The following DCHS1 variants were observed in gnomAD, a reference collection of about 807,000 sequenced individuals.
The protein encoded by DCHS1 is protocadherin-16.
DCHS1 carries 78 observed loss-of-function variants against 213.9 expected under a neutral mutation model. The ratio of observed to expected loss-of-function variants is 0.36; its 90% CI spans 0.30 to 0.44. The LOEUF (loss-of-function observed/expected upper bound fraction) is 0.44, where lower values mean the gene tolerates loss of function less well. Ranked by LOEUF, DCHS1 falls within the 20% of genes least tolerant of loss-of-function variation. DCHS1 has a pLI of 1.00. For missense variants in DCHS1, 3,946 were observed against 4,395.9 expected, an observed-to-expected ratio of 0.90 and a Z score of 2.89; for synonymous variants, 1,828 against 1,873.7, an observed-to-expected ratio of 0.98 and a Z score of 0.63.
chr11:6,652,242 G>A (rs1021425930), intron 1 of DCHS1, among the ~76,000 whole-genome samples: 1 of 152,184 alleles, frequency 6.6e-6, no homozygotes, highest in Admixed American at 6.5e-5. Flanking sequence ...AAGGAGAAAA[G>A]AATGGTCAAT....
In DCHS1 at chr11:6,622,188, C is replaced by T. The variant is rs1162984419; in HGVS notation, c.9488G>A (p.Trp3163Ter). The change falls in exon 21 of 21, where the codon TGG becomes TAG. Residue 3163 changes from tryptophan to a stop codon, truncating the protein, a stop_gained. Coordinates refer to ENST00000299441, the MANE Select transcript of DCHS1 (RefSeq NM_003737.4). LOFTEE classifies it high-confidence loss of function. The surrounding 1 kb of genome is among the most constrained non-coding windows in gnomAD (Gnocchi z 5.4). The stretch of plus-strand genomic sequence containing the variant: ...AGGGCACCAGCTCAGCAGGTAGTCC[C>T]AGTTATAGCTGCCACGGAGCTCCTC... ...GEEELRGSYNWDYLLSWCPQF... is the reference protein window; with the variant it reads ...GEEELRGSYN 1 of 1,607,836 alleles carries T rather than the reference C, an allele frequency of 6.2e-7. No individual in the cohort carries two copies. Among genetic ancestry groups the T allele is most frequent in the Non-Finnish European group, 8.5e-7 (1 of 1,178,456 alleles).
Position 6,633,457 on chromosome 11 carries a change from C to A in DCHS1, c.2410G>T (p.Ala804Ser). 1 of 1,569,442 alleles carries A rather than the reference C, an allele frequency of 6.4e-7. No individual in the cohort carries two copies. The highest frequency in any genetic ancestry group is 8.6e-7 in the Non-Finnish European group (1 of 1,156,296). The stretch of plus-strand genomic sequence containing the variant: ...ACTATGCCCACACTGGTGCCTGGTG[C>A]CACATCCTCTGGCACAGAAAAAACA... ...QYVFSVPEDVAPGTSVGIVQA... is the reference protein window; with the variant it reads ...QYVFSVPEDVSPGTSVGIVQA... Residue 804 changes from alanine to serine, a missense_variant, in exon 5 of 21, where the codon GCA (alanine) becomes TCA (serine). By Grantham distance (99) the Ala-to-Ser change is moderately conservative. Coordinates refer to ENST00000299441, the MANE Select transcript of DCHS1 (RefSeq NM_003737.4).
In DCHS1 at chr11:6,640,915, G is replaced by A. The variant is rs143169401; in HGVS notation, c.699C>T (p.Pro233=). The stretch of plus-strand genomic sequence containing the variant: ...CCAGCAGGGCCTGGGCCCTCCGGGG[G>A]GGTGAACCACCATCATAGGCCTCCA... ...LQLEAYDGGS[P]PRRAQALLDV... The change falls in exon 2 of 21, where the codon CCC becomes CCT. Residue 233 remains proline, a synonymous_variant. Coordinates refer to ENST00000299441, the MANE Select transcript of DCHS1 (RefSeq NM_003737.4). The surrounding 1 kb of genome is among the most constrained non-coding windows in gnomAD (Gnocchi z 6.5). 2.7e-5 allele frequency: 43 copies of A among 1,614,036 alleles called. No homozygotes were observed. The African/African-American group carries it at 4.9e-4, about 19-fold the overall frequency.
rs1374019096 is a variant in DCHS1, at chr11:6,622,559, T to C, written c.9117A>G (p.Ala3039=). 6.3e-7 allele frequency: 1 copy of C among 1,580,556 alleles called. No homozygotes were observed. The highest frequency in any genetic ancestry group is 8.6e-7 in the Non-Finnish European group (1 of 1,163,920). ...HSSGRGSAEA[A]EDDEIRMINE... ...TGATCATGCGGATCTCATCATCCTC[T>C]GCAGCCTCTGCTGATCCTCGGCCAC... Residue 3039 remains alanine (A), a synonymous_variant, in exon 21 of 21, where the codon GCA becomes GCG. Coordinates refer to ENST00000299441, the MANE Select transcript of DCHS1 (RefSeq NM_003737.4). This position sits in a 1 kb window ranked among gnomAD's most constrained non-coding sequence, Gnocchi z 5.4.
At chr11:6,651,203 C>T (rs932435989) in intron 1 of DCHS1, among the ~76,000 whole-genome samples, 1 of 152,092 alleles carries the variant, frequency 6.6e-6, no homozygotes, top group African/African-American at 2.4e-5. Context: ...TCAAGCCTGC[C>T]CGGTGGAGTC....
At chr11:6,635,423 C>A (rs539446386) in intron 2 of DCHS1, among the ~76,000 whole-genome samples, 43 of 152,256 alleles carry the variant, frequency 2.8e-4, no homozygotes, top group African/African-American at 1.0e-3. Context: ...ACAACTGTAG[C>A]CTGTGACAAA....
rs758053271 is a variant in DCHS1, at chr11:6,624,775, G to A, written c.7240C>T (p.His2414Tyr). 1.9e-6 allele frequency: 3 copies of A among 1,613,900 alleles called. No homozygotes were observed. The highest frequency in any genetic ancestry group is 1.1e-5 in the South Asian group (1 of 91,066). Residue 2414 changes from histidine (H) to tyrosine (Y), a missense_variant, in exon 20 of 21, where the codon CAC becomes TAC. His to Tyr is a moderately conservative substitution (Grantham distance 83, BLOSUM62 2). This residue lies in a region of DCHS1 where 3,384 missense variants were observed against 3,780.1 expected (regional missense o/e 0.90). Coordinates refer to ENST00000299441, the MANE Select transcript of DCHS1 (RefSeq NM_003737.4). The stretch of plus-strand genomic sequence containing the variant: ...AAGCCATCGGCAGGGGAAGCCAGGT[G>A]GTAGGAAATGTGACCGTTGGCACCT... ...DSGANGHISY[H>Y]LASPADGFSV...
chr11:6,651,869 T>G (rs556494016), intron 1 of DCHS1, among the ~76,000 whole-genome samples: 1 of 151,924 alleles, frequency 6.6e-6, no homozygotes, highest in South Asian at 2.1e-4. Flanking sequence ...GGTTTGCACA[T>G]GATAAGGGGT....
At position 6,622,692 on chromosome 11, in the gene DCHS1, C is replaced by T. The variant is rs1332592028; in HGVS notation, c.8984G>A (p.Ser2995Asn). Residue 2995 changes from serine (S) to asparagine (N), a missense_variant, in exon 21 of 21, where the codon AGT (serine) becomes AAT (asparagine). By Grantham distance (46) the Ser-to-Asn change is conservative. Around this residue, in one of 3 missense-constraint regions of DCHS1, gnomAD observed 554 missense variants for 590.2 expected, o/e 0.94. Transcript: ENST00000299441. The surrounding 1 kb of genome is among the most constrained non-coding windows in gnomAD (Gnocchi z 5.4). Reference protein sequence around the residue: ...SLQKLGREPPSPPPSEHLYHQ... With the variant: ...SLQKLGREPPNPPPSEHLYHQ... ...ATAGAGGTGCTCAGAGGGTGGTGGA[C>T]TAGGTGGCTCCCGGCCCAGTTTCTG... The T allele has an allele frequency of 6.3e-7, 1 of 1,593,284 alleles. No homozygotes were observed. Among genetic ancestry groups the T allele is most frequent in the East Asian group, 2.3e-5 (1 of 43,844 alleles).
intron 1 of DCHS1, among the ~76,000 whole-genome samples, chr11:6,652,950 G>A (rs966786977): frequency 6.6e-6 from 1 of 152,256 alleles, no homozygotes; most frequent in Non-Finnish European, 1.5e-5. Flanking sequence ...CAGAGTTTCT[G>A]CAACAGCCAA....
rs150889229 is a variant in DCHS1, at chr11:6,632,813, G to A, written c.2699C>T (p.Thr900Met). 104 of 1,613,974 alleles carry A rather than the reference G, an allele frequency of 6.4e-5. No homozygotes were observed. The highest frequency in any genetic ancestry group is 1.0e-4 in the Admixed American group (6 of 60,022). The part of the protein sequence containing the change: ...NSPAFPAPED[T>M]VLLPPNTAPG... ...GGCAGTGTTTGGTGGTAGCAATACCGTGTCTTCAGGTGCAGGAAAGGCAGG... is the reference window on the plus strand; with the variant it reads ...GGCAGTGTTTGGTGGTAGCAATACCATGTCTTCAGGTGCAGGAAAGGCAGG... Residue 900 changes from threonine (T) to methionine (M), a missense_variant, in exon 6 of 21, where the codon ACG becomes ATG. Coordinates refer to ENST00000299441, the MANE Select transcript of DCHS1 (RefSeq NM_003737.4). The surrounding 1 kb of genome is among the most constrained non-coding windows in gnomAD (Gnocchi z 5.9).
chr11:6,627,401 G>T lies in DCHS1; in HGVS notation c.5638C>A (p.His1880Asn). 1 of 1,609,496 alleles carries T rather than the reference G, an allele frequency of 6.2e-7. No individual in the cohort carries two copies. Among genetic ancestry groups the T allele is most frequent in the Admixed American group, 1.7e-5 (1 of 59,356 alleles). ...CCATTAGCTCCAGCATCAGGGTCATGAGCCTGTAGCTGCAGCAGCAGGGTC... is the reference window on the plus strand; with the variant it reads ...CCATTAGCTCCAGCATCAGGGTCATTAGCCTGTAGCTGCAGCAGCAGGGTC... Reference protein sequence around the residue: ...AGTLLLQLQAHDPDAGANGHV... With the variant: ...AGTLLLQLQANDPDAGANGHV... The change falls in exon 14 of 21, where the codon CAT (histidine) becomes AAT (asparagine). Residue 1880 changes from histidine to asparagine, a missense_variant. Physicochemically the swap from His to Asn is moderately conservative, Grantham distance 68. Transcript: ENST00000299441. This position sits in a 1 kb window ranked among gnomAD's most constrained non-coding sequence, Gnocchi z 5.4.
chr11:6,622,351 C>G lies in DCHS1; in HGVS notation c.9325G>C (p.Glu3109Gln), dbSNP rs751726201. The G allele has an allele frequency of 1.7e-5, 27 of 1,591,546 alleles. No homozygotes were observed. In the African/African-American group the frequency reaches 3.5e-4, roughly 21 times the overall value. Reference sequence around the variant, plus strand: ...GTGGCAGTGGCTGGGGGCCCCTCCTCTCTGTAGAGAGTGGCTCCTGCACCT... The same window carrying G: ...GTGGCAGTGGCTGGGGGCCCCTCCTGTCTGTAGAGAGTGGCTCCTGCACCT... ...LPGAGATLYREEGPPATATAF... is the reference protein window; with the variant it reads ...LPGAGATLYRQEGPPATATAF... The change falls in exon 21 of 21, where the codon GAG becomes CAG. Residue 3109 changes from glutamate to glutamine, a missense_variant. Coordinates refer to ENST00000299441, the MANE Select transcript of DCHS1 (RefSeq NM_003737.4). The surrounding 1 kb of genome is among the most constrained non-coding windows in gnomAD (Gnocchi z 5.4).
At chr11:6,648,570 T>A (rs1856200521) in intron 1 of DCHS1, among the ~76,000 whole-genome samples, 1 of 152,190 alleles carries the variant, frequency 6.6e-6, no homozygotes, top group Non-Finnish European at 1.5e-5. Context: ...GACATCAGCA[T>A]GGATTCATTC....
chr11:6,625,303 C>T lies in DCHS1; in HGVS notation c.7041G>A (p.Leu2347=), dbSNP rs1855775956. The T allele has an allele frequency of 2.5e-6, 4 of 1,613,738 alleles. No individual in the cohort carries two copies. The South Asian group carries it at 4.4e-5, about 18-fold the overall frequency. The change falls in exon 19 of 21, where the codon CTG becomes CTA. Residue 2347 remains leucine (L), a synonymous_variant. Transcript: ENST00000299441. The surrounding 1 kb of genome is among the most constrained non-coding windows in gnomAD (Gnocchi z 5.3). The part of the protein sequence containing the change: ...LDFEQCDRYQ[L]QLLAHDGPHE... ...GAGGCCCATCATGTGCCAGCAGCTG[C>T]AGCTGGTAGCGGTCACACTGCTCAA...
chr11:6,646,200 C>T (rs572299365), intron 1 of DCHS1, among the ~76,000 whole-genome samples: 2 of 152,160 alleles, frequency 1.3e-5, no homozygotes, highest in East Asian at 1.9e-4. Flanking sequence ...ACTGACAAGG[C>T]GAGCATGCAC....
At chr11:6,649,215 A>C (rs1192021101) in intron 1 of DCHS1, among the ~76,000 whole-genome samples, 1 of 151,244 alleles carries the variant, frequency 6.6e-6, no homozygotes, top group East Asian at 1.9e-4. Flanking sequence ...TCTAGAATGC[A>C]GTCCTGACAG....
intron 2 of DCHS1, among the ~76,000 whole-genome samples, chr11:6,634,613 A>C (rs1396504046): frequency 6.6e-6 from 1 of 152,246 alleles, no homozygotes; most frequent in Non-Finnish European, 1.5e-5. Flanking sequence ...ACTCACAGCC[A>C]ACAGCACTGT....
Position 6,641,104 on chromosome 11 carries a change from T to G in DCHS1, c.510A>C (p.Ala170=). The change falls in exon 2 of 21, where the codon GCA becomes GCC. Residue 170 remains alanine (A), a synonymous_variant. Transcript: ENST00000299441. The surrounding 1 kb of genome is among the most constrained non-coding windows in gnomAD (Gnocchi z 7.1). ...TRYPLEPARD[A]DAGRLGTQGY... is the part of the protein sequence containing the mutation. ...CCTGGGTTCCCAGACGCCCAGCATC[T>G]GCATCACGAGCAGGCTCCAGTGGGT... 6.2e-7 allele frequency: 1 copy of G among 1,613,950 alleles called. No homozygotes were observed. Among genetic ancestry groups the G allele is most frequent in the Non-Finnish European group, 8.5e-7 (1 of 1,179,886 alleles).
Sources: allele counts gnomAD v4.1 joint callset (sites outside exome capture counted in the v4.1 genomes callset), GRCh38; gene constraint gnomAD v4.1.1; regional missense constraint gnomAD v4.1.1; non-coding constraint Gnocchi (gnomAD v3.1); transcripts MANE v1.5; gene names NCBI Gene and HGNC (gene_info 2026-07-23, HGNC 2026-07-21).